SUCO: variants seen among roughly 807,000 people sequenced by gnomAD.
SUCO encodes SUN domain-containing ossification factor.
Under a neutral mutation model 148.1 loss-of-function variants are expected in SUCO, and 57 were observed. The ratio of observed to expected loss-of-function variants is 0.38; its 90% CI spans 0.31 to 0.48. The LOEUF is 0.48. Among genes scored for constraint, SUCO ranks in the 20% least tolerant of loss-of-function variants. The pLI is 0.96. For missense variants in SUCO, 1,331 were observed against 1,468.2 expected (o/e 0.91, Z 1.53); for synonymous variants, 470 against 502.7 (o/e 0.93, Z 0.87).
intron 6 of SUCO, among the ~76,000 whole-genome samples, chr1:172,562,077 A>G (rs1476997822): frequency 1.3e-5 from 2 of 152,182 alleles, no homozygotes; most frequent in South Asian, 4.1e-4. Flanking sequence ...CAATAAAAAA[A>G]CAACAGCATA....
intron 23 of SUCO, 119 bp from the exon 24 acceptor site, chr1:172,609,696 AT>A: frequency 6.8e-7 from 1 of 1,470,570 alleles, no homozygotes; most frequent in Non-Finnish European, 9.0e-7. Flanking sequence ...TGTGCTGTTT[AT>A]AATACTGTTT....
At chr1:172,535,296 T>C (rs1651925891) in intron 1 of SUCO, among the ~76,000 whole-genome samples, 1 of 152,186 alleles carries the variant, frequency 6.6e-6, no homozygotes, top group Non-Finnish European at 1.5e-5. Flanking sequence ...TAAGAAACTA[T>C]TGGGTTAGTA....
Position 172,557,361 on chromosome 1 carries a change from G to C in SUCO, c.525G>C (p.Glu175Asp), listed in dbSNP as rs1175095572. 1 of 1,613,892 alleles carries C rather than the reference G, an allele frequency of 6.2e-7. No individual in the cohort carries two copies. Among genetic ancestry groups the C allele is most frequent in the African/African-American group, 1.3e-5 (1 of 74,892 alleles). The part of the protein sequence containing the change: ...EQSETDCDVG[E>D]ALDASAPIEQ... ...CTGAAACTGATTGTGATGTTGGTGA[G>C]GCCCTTGATGCTAGTGCTCCAATTG... The change falls in exon 5 of 24, where the codon GAG becomes GAC. Residue 175 changes from glutamate (E) to aspartate (D), a missense_variant. By Grantham distance (45) the Glu-to-Asp change is conservative (BLOSUM62 2). Around this residue, in one of 3 missense-constraint regions of SUCO, gnomAD observed 992 missense variants for 1,093.5 expected, o/e 0.91. Coordinates refer to ENST00000263688, the MANE Select transcript of SUCO (RefSeq NM_014283.5).
intron 15 of SUCO, among the ~76,000 whole-genome samples, 191 bp from the exon 16 acceptor site, chr1:172,584,827 A>G (rs1174947062): frequency 6.6e-6 from 1 of 152,252 alleles, no homozygotes; most frequent in Non-Finnish European, 1.5e-5. Context: ...ATAAAAATTT[A>G]GATACACACT....
chr1:172,600,514 CTT>C (rs1300802762), intron 20 of SUCO, among the ~76,000 whole-genome samples: 3 of 152,030 alleles, frequency 2.0e-5, no homozygotes, highest in Non-Finnish European at 4.4e-5. Flanking sequence ...GATTTAAAAA[CTT>C]TTTATTGAGC....
intron 19 of SUCO, among the ~76,000 whole-genome samples, chr1:172,592,702 A>G (rs1378937410): frequency 6.6e-6 from 1 of 152,172 alleles, no homozygotes; most frequent in East Asian, 1.9e-4. Context: ...GTTTGAAGTC[A>G]GGTAGCATGA....
intron 6 of SUCO, among the ~76,000 whole-genome samples, chr1:172,565,579 C>T (rs1405332092): frequency 2.0e-5 from 3 of 152,264 alleles, no homozygotes; most frequent in Admixed American, 6.5e-5. Context: ...GCCAAAAACC[C>T]TAGTGCACCC....
At chr1:172,533,600 T>C (rs996960603) in intron 1 of SUCO, 103 bp downstream of exon 1, 9 of 1,389,668 alleles carry the variant, frequency 6.5e-6, no homozygotes, top group African/African-American at 1.5e-5. Flanking sequence ...GGTCCGGGTT[T>C]CCAAGGCCCC....
At chr1:172,578,445 C>T (rs749835783) in intron 14 of SUCO, 56 bp downstream of exon 14, 95 of 1,534,950 alleles carry the variant, frequency 6.2e-5, no homozygotes, top group Non-Finnish European at 8.2e-5. Flanking sequence ...TTTTAAAAAT[C>T]GAATAGTAAT....
At chr1:172,582,534 A>G (rs1049374905) in intron 15 of SUCO, among the ~76,000 whole-genome samples, 6 of 152,144 alleles carry the variant, frequency 3.9e-5, no homozygotes, top group Non-Finnish European at 7.4e-5. Context: ...CAAAAATTTA[A>G]AAGTTGACTA....
chr1:172,568,405 T>A, intron 6 of SUCO: 4 of 978,370 alleles, frequency 4.1e-6, no homozygotes, highest in Non-Finnish European at 4.9e-6. Flanking sequence ...TCTCAGTGTG[T>A]GACTTATTCG....
At chr1:172,557,827 T>C (rs562392590) in intron 6 of SUCO, 33 bp downstream of exon 6, 1 of 1,491,998 alleles carries the variant, frequency 6.7e-7, no homozygotes, top group East Asian at 2.3e-5. Flanking sequence ...CTCTTACTTC[T>C]TTATGTAATG....
chr1:172,553,827 C>G (rs1263594578), intron 3 of SUCO, among the ~76,000 whole-genome samples: 1 of 151,930 alleles, frequency 6.6e-6, no homozygotes, highest in Non-Finnish European at 1.5e-5. Flanking sequence ...ATATTACATT[C>G]TGAATATTGT....
At chr1:172,607,682 A>G (rs1305684571) in intron 22 of SUCO, among the ~76,000 whole-genome samples, 3 of 151,862 alleles carry the variant, frequency 2.0e-5, no homozygotes, top group Admixed American at 1.3e-4. Flanking sequence ...AAAAAAACAA[A>G]CTATCATTAC....
chr1:172,585,928 A>G lies in SUCO; in HGVS notation c.1638A>G (p.Ser546=). 1 of 1,609,562 alleles carries G rather than the reference A, an allele frequency of 6.2e-7. No individual in the cohort carries two copies. Among genetic ancestry groups the G allele is most frequent in the Non-Finnish European group, 8.5e-7 (1 of 1,177,108 alleles). ...AAATGCCTGAATCAACTCCTGTTTC[A>G]ACTCCTGTTCCATCTCCTGAGTAAG... ...APKMPESTPV[S]TPVPSPEYVT... is the part of the protein sequence containing the mutation. Residue 546 remains serine, a synonymous_variant, in exon 17 of 24, where the codon TCA becomes TCG. Coordinates refer to ENST00000263688, the MANE Select transcript of SUCO (RefSeq NM_014283.5).
intron 12 of SUCO, 34 bp downstream of exon 12, chr1:172,577,593 CAG>C (rs756593059): frequency 3.4e-5 from 55 of 1,606,454 alleles, no homozygotes; most frequent in Non-Finnish European, 4.2e-5. Flanking sequence ...TATTAAATAA[CAG>C]GGCATGGCGT....
At position 172,544,069 on chromosome 1, in the gene SUCO, A is replaced by C. The variant is rs1167169611; in HGVS notation, c.63-7443A>C. The C allele has an allele frequency of 8.2e-6, 4 of 486,750 alleles. No individual in the cohort carries two copies. The African/African-American group carries it at 8.4e-5, about 10-fold the overall frequency. The allele number at this position is 486,750 out of a possible 1,614,324, so 30.2% of individuals were successfully genotyped here. On this transcript the variant is annotated intron_variant, in intron 1 of 23. Transcript: ENST00000263688. ...TTCCCACAAGTTTCTCAATACTTACAGGATTTCAGTAAATTTTTTCAGATA... is the reference window on the plus strand; with the variant it reads ...TTCCCACAAGTTTCTCAATACTTACCGGATTTCAGTAAATTTTTTCAGATA...
chr1:172,556,048 CA>C, intron 4 of SUCO, 25 bp downstream of exon 4: 2 of 1,568,426 alleles, frequency 1.3e-6, no homozygotes, highest in South Asian at 1.1e-5. Flanking sequence ...AAAACAAACA[CA>C]AAAAAGAATC....
At chr1:172,597,297 C>A (rs1217807602) in intron 19 of SUCO, among the ~76,000 whole-genome samples, 1 of 152,246 alleles carries the variant, frequency 6.6e-6, no homozygotes, top group Non-Finnish European at 1.5e-5. Flanking sequence ...CACTGTCCAA[C>A]AAGCCCCACT....
Sources: allele counts gnomAD v4.1 joint callset (sites outside exome capture counted in the v4.1 genomes callset), GRCh38; gene constraint gnomAD v4.1.1; regional missense constraint gnomAD v4.1.1; transcripts MANE v1.5; gene names NCBI Gene and HGNC (gene_info 2026-07-23, HGNC 2026-07-21).